The following ZNF700 variants were observed in gnomAD, a reference collection of about 807,000 sequenced individuals.
ZNF700 encodes zinc finger protein 700.
In ZNF700, 38 loss-of-function variants were observed where a neutral mutation model predicts 65.3. That is an observed-to-expected ratio of 0.58 (90% CI 0.45 to 0.76). ZNF700 has a LOEUF of 0.76. Among genes scored for constraint, ZNF700 ranks in the 30% least tolerant of loss-of-function variants. The pLI, the probability that ZNF700 is intolerant of heterozygous loss-of-function variation, is 0.00. For synonymous variants in ZNF700, 285 were observed against 290.4 expected (o/e 0.98, Z 0.19); for missense variants, 857 against 888.4 (o/e 0.96, Z 0.45).
In ZNF700 at chr19:11,949,552, T is replaced by C; in HGVS notation, c.1528T>C (p.Cys510Arg). 1 of 1,610,700 alleles carries C rather than the reference T, an allele frequency of 6.2e-7. No individual in the cohort carries two copies. The change falls in exon 4 of 4, where the codon TGT (cysteine) becomes CGT (arginine). Residue 510 changes from cysteine to arginine, a missense_variant. Cys to Arg is a radical substitution (Grantham distance 180). This residue lies in a region of ZNF700 where 603 missense variants were observed against 619.9 expected (regional missense o/e 0.97). Coordinates refer to ENST00000254321, the MANE Select transcript of ZNF700 (RefSeq NM_144566.3). ...GCCCTCTGGAGAAAGACCTTATAAA[T>C]GTAGTATATGTGAGAAAGGCTTTTA... Reference protein sequence around the residue: ...RMPSGERPYKCSICEKGFYSA... With the variant: ...RMPSGERPYKRSICEKGFYSA...
Position 11,949,124 on chromosome 19 carries a change from G to A in ZNF700, c.1100G>A (p.Cys367Tyr). Residue 367 changes from cysteine to tyrosine, a missense_variant, in exon 4 of 4, where the codon TGT becomes TAT. Physicochemically the swap from Cys to Tyr is radical, Grantham distance 194 (BLOSUM62 -2). Around this residue, in one of 3 missense-constraint regions of ZNF700, gnomAD observed 603 missense variants for 619.9 expected, o/e 0.97. Transcript: ENST00000254321. ...GAAAGACCTTATAAATGTAAGATAT[G>A]TGGGAAAGGCTTTTATTCTGCCAAG... ...SGERPYKCKI[C>Y]GKGFYSAKSF... 6.2e-7 allele frequency: 1 copy of A among 1,612,424 alleles called. No homozygotes were observed. Among genetic ancestry groups the A allele is most frequent in the Non-Finnish European group, 8.5e-7 (1 of 1,179,670 alleles).
At position 11,949,080 on chromosome 19, in the gene ZNF700, C is replaced by T. The variant is rs753143082; in HGVS notation, c.1056C>T (p.His352=). ...GLSYLISFQT[H]IRMNSGERPY... is the part of the protein sequence containing the mutation. The stretch of plus-strand genomic sequence containing the variant: ...CCTATCTTATAAGTTTTCAAACACA[C>T]ATAAGAATGAACTCTGGAGAAAGAC... The change falls in exon 4 of 4, where the codon CAC becomes CAT. Residue 352 remains histidine, a synonymous_variant. Coordinates refer to ENST00000254321, the MANE Select transcript of ZNF700 (RefSeq NM_144566.3). 1.9e-6 allele frequency: 3 copies of T among 1,610,672 alleles called. No homozygotes were observed. Among genetic ancestry groups the T allele is most frequent in the Middle Eastern group, 1.7e-4 (1 of 6,044 alleles).
chr19:11,930,674 ATACCTGGTTTG>A lies in ZNF700; in HGVS notation c.63+5403_63+5413del, dbSNP rs568526659. 1.7e-4 allele frequency among the ~76,000 whole-genome samples: 25 copies of A among 148,114 alleles called. 2 individuals carry two copies. Among genetic ancestry groups the A allele is most frequent in the Non-Finnish European group, 2.8e-4 (19 of 67,906 alleles). Reference sequence around the variant, plus strand: ...TCACCACTTGTATCATTGGCTGACAATACCTGGTTTGTCATAGTTTCACATTACCTTAAATA... The same window carrying A: ...TCACCACTTGTATCATTGGCTGACAATCATAGTTTCACATTACCTTAAATA... On this transcript the variant is annotated intron_variant, in intron 1 of 3. Transcript: ENST00000254321.
rs1182973195 is a variant in ZNF700 at position 11,925,123 on chromosome 19, G to A, written c.-88G>A. On this transcript the variant is annotated 5_prime_UTR_variant, in exon 1 of 4. Coordinates refer to ENST00000254321, the MANE Select transcript of ZNF700 (RefSeq NM_144566.3). ...GGTCGCTTTCCTCACCTTCCTCGCT[G>A]CGCGGGCGGCGGTTGGTAACCGGTC... is the stretch of plus-strand genomic sequence containing the variant. The A allele has an allele frequency of 3.9e-6, 6 of 1,523,362 alleles. No individual in the cohort carries two copies. In the Admixed American group the frequency reaches 7.3e-5, roughly 18 times the overall value. The allele number at this position is 1,523,362 out of a possible 1,614,324, so 94.4% of individuals were successfully genotyped here. A position where few individuals can be genotyped will look rare whatever the true frequency, so the allele number is the denominator to read the frequency against.
At position 11,948,801 on chromosome 19, in the gene ZNF700, T is replaced by G; in HGVS notation, c.777T>G (p.Phe259Leu). The G allele has an allele frequency of 6.2e-7, 1 of 1,608,474 alleles. No individual in the cohort carries two copies. Among genetic ancestry groups the G allele is most frequent in the Non-Finnish European group, 8.5e-7 (1 of 1,178,330 alleles). ...PYECKQCGKS[F>L]TYSATLQIHE... is the part of the protein sequence containing the mutation. ...AATGTAAACAATGTGGTAAATCCTT[T>G]ACTTATTCTGCTACCCTTCAAATAC... The change falls in exon 4 of 4, where the codon TTT becomes TTG. Residue 259 changes from phenylalanine (F) to leucine (L), a missense_variant. By Grantham distance (22) the Phe-to-Leu change is conservative (BLOSUM62 0). Around this residue, in one of 3 missense-constraint regions of ZNF700, gnomAD observed 603 missense variants for 619.9 expected, o/e 0.97. Coordinates refer to ENST00000254321, the MANE Select transcript of ZNF700 (RefSeq NM_144566.3).
In ZNF700 at chr19:11,935,046, G is replaced by A. The variant is rs555663959; in HGVS notation, c.63+9773G>A. Among the ~76,000 whole-genome samples the A allele has an allele frequency of 4.0e-4, 58 of 145,184 alleles. 10 individuals are homozygous for A. Among genetic ancestry groups the A allele is most frequent in the African/African-American group, 1.6e-3 (57 of 36,282 alleles). On this transcript the variant is annotated intron_variant, in intron 1 of 3. Transcript: ENST00000254321. The stretch of plus-strand genomic sequence containing the variant: ...GAAAAAATTAGCCAGGCATGGTGGC[G>A]GGCGCCTATAGTCCCAGCTACTGGG...
rs1166995320 is a variant in ZNF700, at chr19:11,949,046, A to G, written c.1022A>G (p.Glu341Gly). 1.2e-6 allele frequency: 2 copies of G among 1,607,798 alleles called. No individual in the cohort carries two copies. The highest frequency in any genetic ancestry group is 2.2e-5 in the East Asian group (1 of 44,866). The change falls in exon 4 of 4, where the codon GAA becomes GGA. Residue 341 changes from glutamate to glycine, a missense_variant. Physicochemically the swap from Glu to Gly is moderately conservative, Grantham distance 98. This residue lies in a region of ZNF700 where 603 missense variants were observed against 619.9 expected (regional missense o/e 0.97). Transcript: ENST00000254321. ...KKPYECKQYG[E>G]GLSYLISFQT... ...CCGTATGAATGTAAGCAATATGGGGAAGGCTTATCCTATCTTATAAGTTTT... is the reference window on the plus strand; with the variant it reads ...CCGTATGAATGTAAGCAATATGGGGGAGGCTTATCCTATCTTATAAGTTTT...
At chr19:11,931,397 T>C (rs1190490878) in intron 1 of ZNF700, among the ~76,000 whole-genome samples, 1 of 148,084 alleles carries the variant, frequency 6.8e-6, no homozygotes, top group Non-Finnish European at 1.5e-5. Context: ...AGAAAGGATT[T>C]ACTCCTATGC....
chr19:11,947,242 A>G lies in ZNF700; in HGVS notation c.125A>G (p.Asp42Gly). ...NFTQEEWTLL[D>G]ISQKNLFREV... ...ACCCAGGAAGAGTGGACATTGCTGG[A>G]TATTTCCCAGAAGAATCTCTTCAGG... is the stretch of plus-strand genomic sequence containing the variant. The change falls in exon 2 of 4, where the codon GAT becomes GGT. Residue 42 changes from aspartate (D) to glycine (G), a missense_variant. Physicochemically the swap from Asp to Gly is moderately conservative, Grantham distance 94 (BLOSUM62 -1). Transcript: ENST00000254321. The G allele has an allele frequency of 8.1e-6, 13 of 1,614,092 alleles. No homozygotes were observed. Among genetic ancestry groups the G allele is most frequent in the Non-Finnish European group, 1.1e-5 (13 of 1,180,014 alleles).
chr19:11,947,049 G>A, intron 1 of ZNF700, 132 bp from the exon 2 acceptor site: 1 of 1,396,324 alleles, frequency 7.2e-7, no homozygotes, highest in Non-Finnish European at 9.6e-7. Flanking sequence ...TGGAGAGAAA[G>A]GGATCTGATA....
Position 11,934,250 on chromosome 19 carries a change from C to T in ZNF700, c.63+8977C>T, listed in dbSNP as rs573442920. Among the ~76,000 whole-genome samples, 4 of 147,976 alleles carry T rather than the reference C, an allele frequency of 2.7e-5. 1 individual carries two copies. The highest frequency in any genetic ancestry group is 6.6e-5 in the Admixed American group (1 of 15,070). ...CAGTTATGAGTAAGGCTGCTAAAAA[C>T]GTCTGTGGGAGGACTTTTGTGTGGA... On this transcript the variant is annotated intron_variant, in intron 1 of 3. Coordinates refer to ENST00000254321, the MANE Select transcript of ZNF700 (RefSeq NM_144566.3).
At chr19:11,928,397 C>T (rs1391976348) in intron 1 of ZNF700, among the ~76,000 whole-genome samples, 1 of 151,990 alleles carries the variant, frequency 6.6e-6, no homozygotes, top group East Asian at 1.9e-4. Context: ...TTTAACATTC[C>T]ATCTGAAGAC....
intron 1 of ZNF700, among the ~76,000 whole-genome samples, chr19:11,945,380 T>C (rs1369972101): frequency 6.6e-6 from 1 of 152,222 alleles, no homozygotes; most frequent in East Asian, 1.9e-4. Flanking sequence ...CTGAGCTTGA[T>C]TGACCAAGCA....
intron 1 of ZNF700, among the ~76,000 whole-genome samples, chr19:11,925,743 C>T (rs1235767015): frequency 6.6e-6 from 1 of 152,148 alleles, no homozygotes. Flanking sequence ...AGAAACACCC[C>T]GTCCTGGGTT....
rs74385792 is a variant in ZNF700 at position 11,946,232 on chromosome 19, C to T, written c.64-949C>T. 6.2e-3 allele frequency among the ~76,000 whole-genome samples: 943 copies of T among 152,086 alleles called. 9 individuals carry two copies. The highest frequency in any genetic ancestry group is 0.022 in the African/African-American group (892 of 41,480). On this transcript the variant is annotated intron_variant, in intron 1 of 3. Coordinates refer to ENST00000254321, the MANE Select transcript of ZNF700 (RefSeq NM_144566.3). ...CAGTCTTAGATCGTAAATGAGCTGC[C>T]AAGGGAGGGGTTTCTCCCGCAGCTT...
At position 11,948,560 on chromosome 19, in the gene ZNF700, C is replaced by T; in HGVS notation, c.536C>T (p.Pro179Leu). 1 of 1,608,512 alleles carries T rather than the reference C, an allele frequency of 6.2e-7. No individual in the cohort carries two copies. The highest frequency in any genetic ancestry group is 1.1e-5 in the South Asian group (1 of 89,746). Reference protein sequence around the residue: ...PKNKKAFRYRPSIRTQERDHT... With the variant: ...PKNKKAFRYRLSIRTQERDHT... ...AATAAGAAAGCCTTCAGGTATCGCC[C>T]ATCCATTAGAACACAAGAAAGGGAT... The change falls in exon 4 of 4, where the codon CCA (proline) becomes CTA (leucine). Residue 179 changes from proline to leucine, a missense_variant. Pro to Leu is a moderately conservative substitution (Grantham distance 98). Coordinates refer to ENST00000254321, the MANE Select transcript of ZNF700 (RefSeq NM_144566.3).
chr19:11,945,400 T>A (rs576846239), intron 1 of ZNF700, among the ~76,000 whole-genome samples: 33 of 152,224 alleles, frequency 2.2e-4, no homozygotes, highest in Non-Finnish European at 3.8e-4. Flanking sequence ...ACAAGTCCTG[T>A]ACTGGCCTGT....
rs1469228843 is a variant in ZNF700 at position 11,948,962 on chromosome 19, A to G, written c.938A>G (p.Lys313Arg). ...EKPYQCKECG[K>R]AFAYTSSLRR... ...CCTTATCAATGCAAAGAATGTGGAAAAGCATTTGCATATACCAGTTCTCTT... is the reference window on the plus strand; with the variant it reads ...CCTTATCAATGCAAAGAATGTGGAAGAGCATTTGCATATACCAGTTCTCTT... Residue 313 changes from lysine to arginine, a missense_variant, in exon 4 of 4, where the codon AAA (lysine) becomes AGA (arginine). By Grantham distance (26) the Lys-to-Arg change is conservative (BLOSUM62 2). Transcript: ENST00000254321. 3 of 1,608,580 alleles carry G rather than the reference A, an allele frequency of 1.9e-6. No homozygotes were observed. Among genetic ancestry groups the G allele is most frequent in the Admixed American group, 3.4e-5 (2 of 58,008 alleles).
chr19:11,948,188 G>A (rs1972991853), intron 3 of ZNF700, 88 bp from the exon 4 acceptor site: 3 of 1,436,506 alleles, frequency 2.1e-6, no homozygotes, highest in Non-Finnish European at 2.9e-6. Context: ...TTGATGGACA[G>A]TGTTAAAAAT....
Sources: allele counts gnomAD v4.1 joint callset (sites outside exome capture counted in the v4.1 genomes callset), GRCh38; gene constraint gnomAD v4.1.1; regional missense constraint gnomAD v4.1.1; transcripts MANE v1.5; gene names NCBI Gene and HGNC (gene_info 2026-07-23, HGNC 2026-07-21).